Variants in MSI2 observed in about 807,000 individuals in gnomAD.
The protein encoded by MSI2 is RNA-binding protein Musashi homolog 2.
MSI2 carries 17 observed loss-of-function variants against 45.6 expected under a neutral mutation model. The ratio of observed to expected loss-of-function variants is 0.37; its 90% confidence interval spans 0.26 to 0.56. The LOEUF (loss-of-function observed/expected upper bound fraction) is 0.56. MSI2 is among the 20% of genes least tolerant of loss of function. The pLI, the probability that MSI2 is intolerant of heterozygous loss-of-function variation, is 0.77. For missense variants in MSI2, 293 were observed against 444.2 expected (o/e 0.66, Z 3.06); for synonymous variants, 156 against 158.2 (o/e 0.99, Z 0.11).
chr17:57,631,770 T>C, intron 10 of MSI2: 4 of 1,599,290 alleles, frequency 2.5e-6, no homozygotes, highest in Non-Finnish European at 3.4e-6. Context: ...TGTTAATTTC[T>C]GTTCTTATTT....
At chr17:57,356,297 G>A (rs189980740) in intron 5 of MSI2, among the ~76,000 whole-genome samples, 1 of 152,264 alleles carries the variant, frequency 6.6e-6, no homozygotes, top group African/African-American at 2.4e-5. Context: ...TGGCGGGCAT[G>A]TTTCTTCATT....
At chr17:57,322,258 C>T (rs1669430133) in intron 5 of MSI2, among the ~76,000 whole-genome samples, 1 of 152,126 alleles carries the variant, frequency 6.6e-6, no homozygotes, top group Non-Finnish European at 1.5e-5. Context: ...AGGCCAACTT[C>T]TTTGGTCCTG....
At chr17:57,527,664 C>T (rs1337609015) in intron 6 of MSI2, among the ~76,000 whole-genome samples, 1 of 152,164 alleles carries the variant, frequency 6.6e-6, no homozygotes, top group Non-Finnish European at 1.5e-5. Flanking sequence ...GGGGAAGGCC[C>T]CAGGAGCCTG....
chr17:57,552,394 C>T lies in MSI2; in HGVS notation c.454+22670C>T, dbSNP rs1029025624. Among the ~76,000 whole-genome samples the T allele has an allele frequency of 6.6e-6, 1 of 152,140 alleles. No individual in the cohort carries two copies. The highest frequency in any genetic ancestry group is 2.4e-5 in the African/African-American group (1 of 41,418). ...CCAGCCAGCACCCCCCAACCCAGCC[C>T]CCCACTCACTGCCCTGCTGCATCCA... On this transcript the variant is annotated intron_variant, in intron 7 of 13. Transcript: ENST00000284073. The surrounding 1 kb of genome is among the most constrained non-coding windows in gnomAD (Gnocchi z 4.3).
At chr17:57,575,960 A>AG (rs1445178989) in intron 7 of MSI2, among the ~76,000 whole-genome samples, 6 of 146,420 alleles carry the variant, frequency 4.1e-5, no homozygotes, top group South Asian at 2.2e-4. Flanking sequence ...AAAAAAAAAA[A>AG]AAAAAAAAAA....
At position 57,428,846 on chromosome 17, in the gene MSI2, A is replaced by T. The variant is rs144041563; in HGVS notation, c.405+27375A>T. On this transcript the variant is annotated intron_variant, in intron 6 of 13. Coordinates refer to ENST00000284073, the MANE Select transcript of MSI2 (RefSeq NM_138962.4). ...CAAGGTAAACACACCCAGTTCTTTC[A>T]GTTCTTTTTACTCTGTGATTTCAGT... Among the ~76,000 whole-genome samples the T allele has an allele frequency of 1.1e-3, 163 of 152,180 alleles. No homozygotes were observed. In the South Asian group the frequency reaches 0.014, roughly 13 times the overall value.
At chr17:57,376,095 C>T (rs902487453) in intron 5 of MSI2, among the ~76,000 whole-genome samples, 4 of 152,204 alleles carry the variant, frequency 2.6e-5, no homozygotes, top group African/African-American at 9.7e-5. Flanking sequence ...AGTTTCCCCT[C>T]AGGCCCTGTT....
chr17:57,536,198 T>C (rs957084707), intron 7 of MSI2, among the ~76,000 whole-genome samples: 4 of 152,240 alleles, frequency 2.6e-5, no homozygotes, highest in African/African-American at 7.2e-5. Context: ...TCAGACATAA[T>C]GTATGCATGT....
intron 11 of MSI2, among the ~76,000 whole-genome samples, chr17:57,669,420 C>G (rs1255744616): frequency 6.6e-6 from 1 of 152,172 alleles, no homozygotes; most frequent in Admixed American, 6.5e-5. Flanking sequence ...GAGAATATGC[C>G]CTCTGACTAG....
the MSI2 span, among the ~76,000 whole-genome samples, chr17:57,697,857 T>C: frequency 6.6e-6 from 1 of 152,162 alleles, no homozygotes; most frequent in African/African-American, 2.4e-5. Flanking sequence ...CACGTGGGAA[T>C]TATGAGAGCT....
At chr17:57,413,378 T>C (rs1446787285) in intron 6 of MSI2, among the ~76,000 whole-genome samples, 1 of 149,886 alleles carries the variant, frequency 6.7e-6, no homozygotes, top group African/African-American at 2.5e-5. Flanking sequence ...CCCCGCTGCT[T>C]CCAGTTTGTG....
At chr17:57,377,396 G>C (rs949554868) in intron 5 of MSI2, among the ~76,000 whole-genome samples, 1 of 152,188 alleles carries the variant, frequency 6.6e-6, no homozygotes, top group African/African-American at 2.4e-5. Context: ...TTGCATCACT[G>C]TGGCTGGCTC....
At chr17:57,290,945 T>C (rs1567738594) in intron 5 of MSI2, among the ~76,000 whole-genome samples, 1 of 152,246 alleles carries the variant, frequency 6.6e-6, no homozygotes, top group Non-Finnish European at 1.5e-5. Context: ...ATTTGGGCCC[T>C]GCGTCAGTGT....
chr17:57,595,094 A>G (rs1598432489), intron 7 of MSI2, among the ~76,000 whole-genome samples: 1 of 152,206 alleles, frequency 6.6e-6, no homozygotes, highest in Admixed American at 6.5e-5. Context: ...GGAGCTCCAC[A>G]TATCAGCTCC....
chr17:57,362,655 A>G (rs899833542), intron 5 of MSI2, among the ~76,000 whole-genome samples: 2 of 152,200 alleles, frequency 1.3e-5, no homozygotes, highest in Admixed American at 1.3e-4. Context: ...GGGGGAAAAA[A>G]GTGCCAGATT....
intron 11 of MSI2, among the ~76,000 whole-genome samples, chr17:57,669,922 C>G (rs771125011): frequency 5.9e-5 from 9 of 152,176 alleles, no homozygotes; most frequent in Admixed American, 2.0e-4. Context: ...AACCTGGCAG[C>G]AGCAGATAAT....
At chr17:57,287,300 C>T (rs1598074297) in intron 5 of MSI2, among the ~76,000 whole-genome samples, 1 of 152,078 alleles carries the variant, frequency 6.6e-6, no homozygotes, top group African/African-American at 2.4e-5. Flanking sequence ...GCGAGGCTGT[C>T]CTGTGTGTCT....
At chr17:57,684,993 G>T (rs939661190), downstream of MSI2, among the ~76,000 whole-genome samples, 3 of 152,108 alleles carry the variant, frequency 2.0e-5, no homozygotes, top group African/African-American at 7.2e-5. Context: ...AAGGTCCTGC[G>T]GATCAGAGGA....
At chr17:57,276,883 C>T (rs1490545793) in intron 5 of MSI2, among the ~76,000 whole-genome samples, 2 of 151,916 alleles carry the variant, frequency 1.3e-5, no homozygotes, top group Non-Finnish European at 2.9e-5. Flanking sequence ...AGGGCTGACT[C>T]GGTCTCCTGG....
Sources: allele counts gnomAD v4.1 joint callset (sites outside exome capture counted in the v4.1 genomes callset), GRCh38; gene constraint gnomAD v4.1.1; non-coding constraint Gnocchi (gnomAD v3.1); transcripts MANE v1.5; gene names NCBI Gene and HGNC (gene_info 2026-07-23, HGNC 2026-07-21).